Variants in ARMCX3 observed in about 807,000 individuals in gnomAD.
The protein encoded by ARMCX3 is armadillo repeat-containing X-linked protein 3.
A neutral mutation model predicts 12.6 loss-of-function variants in ARMCX3; 3 were observed. That is an observed-to-expected ratio of 0.24 (90% CI 0.11 to 0.61). ARMCX3 has a LOEUF of 0.61. Ranked by LOEUF, ARMCX3 falls within the 20% of genes least tolerant of loss-of-function variation. The pLI is 0.88. For missense variants in ARMCX3, 204 were observed against 286.1 expected (o/e 0.71, Z 2.07); for synonymous variants, 102 against 103.1 (o/e 0.99, Z 0.06).
chrX:101,623,669 G>A (rs1935939346), intron 1 of ARMCX3, 145 bp from the exon 2 acceptor site: 1 of 111,660 alleles, frequency 9.0e-6, no homozygotes, highest in Non-Finnish European at 1.9e-5. Context: ...CCAGGCCTCC[G>A]AATTAGAAAA....
rs1556038418 is a variant in ARMCX3, at chrX:101,625,368, T to C, written c.389T>C (p.Val130Ala). The C allele has an allele frequency of 8.3e-7, 1 of 1,210,807 alleles. No homozygotes were observed. Among genetic ancestry groups the C allele is most frequent in the East Asian group, 3.0e-5 (1 of 33,841 alleles). Residue 130 changes from valine to alanine, a missense_variant, in exon 5 of 5, where the codon GTT becomes GCT. Coordinates refer to ENST00000471229, the MANE Select transcript of ARMCX3 (RefSeq NM_177947.3). ...PQELQKVLCL[V>A]EMSEKPYILE... ...GAGCTACAAAAGGTTCTTTGCTTGG[T>C]TGAGATGTCTGAAAAGCCTTATATT...
In ARMCX3 at chrX:101,626,369, T is replaced by C. The variant is rs1271476438; in HGVS notation, c.*250T>C. ...CTAGATTGAAATATTTTGCTATTTCTTCTGCATAAGTGACAGTGAACCAAT... is the reference window on the plus strand; with the variant it reads ...CTAGATTGAAATATTTTGCTATTTCCTCTGCATAAGTGACAGTGAACCAAT... On this transcript the variant is annotated 3_prime_UTR_variant, in exon 5 of 5. Coordinates refer to ENST00000471229, the MANE Select transcript of ARMCX3 (RefSeq NM_177947.3). The C allele has an allele frequency of 3.5e-6, 1 of 283,500 alleles. No individual in the cohort carries two copies. Among genetic ancestry groups the C allele is most frequent in the African/African-American group, 2.8e-5 (1 of 35,881 alleles). The allele number at this position is 283,500 out of a possible 1,213,427, so 23.4% of individuals were successfully genotyped here. A position where few individuals can be genotyped will look rare whatever the true frequency, so the allele number is the denominator to read the frequency against.
In ARMCX3 at chrX:101,627,202, T is replaced by G. The variant is rs1027693845; in HGVS notation, c.*1083T>G. 1 of 123,643 alleles carries G rather than the reference T, an allele frequency of 8.1e-6. No individual in the cohort carries two copies. The highest frequency in any genetic ancestry group is 3.2e-5 in the African/African-American group (1 of 30,899). 10.2% of individuals were successfully genotyped at this position (123,643 alleles called of 1,213,427 possible). On this transcript the variant is annotated 3_prime_UTR_variant, in exon 5 of 5. Transcript: ENST00000471229. ...TATAAAGCAAGGAATGTTCACACAG[T>G]AGGATATTATAAGTATGCTGATGGA...
rs782741127 is a variant in ARMCX3 at position 101,625,178 on chromosome X, A to G, written c.199A>G (p.Ser67Gly). ...TGACTGGTCTGATGATGATGATGAC[A>G]GCAATGAGAGCAAGAGTATAGTATG... ...YNDWSDDDDD[S>G]NESKSIVWYP... The change falls in exon 5 of 5, where the codon AGC (serine) becomes GGC (glycine). Residue 67 changes from serine to glycine, a missense_variant. By Grantham distance (56) the Ser-to-Gly change is moderately conservative. Transcript: ENST00000471229. 5.0e-6 allele frequency: 6 copies of G among 1,210,395 alleles called. No homozygotes were observed. The South Asian group carries it at 7.0e-5, about 14-fold the overall frequency.
At position 101,625,211 on chromosome X, in the gene ARMCX3, C is replaced by T. The variant is rs1485910186; in HGVS notation, c.232C>T (p.Pro78Ser). 2 of 1,209,612 alleles carry T rather than the reference C, an allele frequency of 1.7e-6. No homozygotes were observed. The highest frequency in any genetic ancestry group is 1.8e-5 in the South Asian group (1 of 56,816). Reference sequence around the variant, plus strand: ...GAGCAAGAGTATAGTATGGTACCCACCTTGGGCTCGGATTGGGACTGAAGC... The same window carrying T: ...GAGCAAGAGTATAGTATGGTACCCATCTTGGGCTCGGATTGGGACTGAAGC... ...NESKSIVWYP[P>S]WARIGTEAGT... The change falls in exon 5 of 5, where the codon CCT becomes TCT. Residue 78 changes from proline to serine, a missense_variant. Transcript: ENST00000471229.
chrX:101,625,675 T>C lies in ARMCX3; in HGVS notation c.696T>C (p.Thr232=), dbSNP rs782302901. The change falls in exon 5 of 5, where the codon ACT becomes ACC. Residue 232 remains threonine, a synonymous_variant. Coordinates refer to ENST00000471229, the MANE Select transcript of ARMCX3 (RefSeq NM_177947.3). The part of the protein sequence containing the change: ...LAGLRLLTNM[T]VTNEYQHMLA... ...GACTGAGATTGCTTACAAATATGAC[T>C]GTTACTAATGAGTATCAGCACATGC... The C allele has an allele frequency of 2.9e-5, 35 of 1,188,703 alleles. No individual in the cohort carries two copies. Among genetic ancestry groups the C allele is most frequent in the African/African-American group, 5.3e-5 (3 of 56,366 alleles).
Position 101,626,099 on chromosome X carries a change from T to A in ARMCX3, c.1120T>A (p.Phe374Ile), listed in dbSNP as rs1041663254. Residue 374 changes from phenylalanine (F) to isoleucine (I), a missense_variant, in exon 5 of 5, where the codon TTC (phenylalanine) becomes ATC (isoleucine). By Grantham distance (21) the Phe-to-Ile change is conservative (BLOSUM62 0). Transcript: ENST00000471229. The part of the protein sequence containing the change: ...KFMAKLAEHM[F>I]PKSQE The stretch of plus-strand genomic sequence containing the variant: ...CATGGCCAAACTTGCTGAACATATG[T>A]TCCCAAAGAGCCAGGAATAACACCT... The A allele has an allele frequency of 1.1e-5, 13 of 1,176,649 alleles. No individual in the cohort carries two copies. Among genetic ancestry groups the A allele is most frequent in the Non-Finnish European group, 1.5e-5 (13 of 882,079 alleles).
chrX:101,624,825 C>T lies in ARMCX3; in HGVS notation c.-146-9C>T, dbSNP rs1935957972. The T allele has an allele frequency of 2.3e-6, 1 of 426,931 alleles. No individual in the cohort carries two copies. Among genetic ancestry groups the T allele is most frequent in the African/African-American group, 2.6e-5 (1 of 39,055 alleles). 35.2% of individuals were successfully genotyped at this position (426,931 alleles called of 1,213,427 possible). A position where few individuals can be genotyped will look rare whatever the true frequency, so the allele number is the denominator to read the frequency against. On this transcript the variant is annotated splice_polypyrimidine_tract_variant and intron_variant, in intron 4 of 4. Coordinates refer to ENST00000471229, the MANE Select transcript of ARMCX3 (RefSeq NM_177947.3). ...AAACTCAAACCCAATTTTCTTCTTC[C>T]ACTCCTAGGTCAACCCCCAGAATCA... is the stretch of plus-strand genomic sequence containing the variant.
chrX:101,626,162 A>C lies in ARMCX3; in HGVS notation c.*43A>C, dbSNP rs1935986582. 1.9e-6 allele frequency: 2 copies of C among 1,069,725 alleles called. No individual in the cohort carries two copies. Among genetic ancestry groups the C allele is most frequent in the Non-Finnish European group, 2.5e-6 (2 of 802,469 alleles). 88.2% of individuals were successfully genotyped at this position (1,069,725 alleles called of 1,213,427 possible). A position where few individuals can be genotyped will look rare whatever the true frequency, so the allele number is the denominator to read the frequency against. The stretch of plus-strand genomic sequence containing the variant: ...TTAGAAGCAACACACATTGTAAACT[A>C]TTCATTTTCTCCACCTTGTTTATAT... On this transcript the variant is annotated 3_prime_UTR_variant, in exon 5 of 5. Coordinates refer to ENST00000471229, the MANE Select transcript of ARMCX3 (RefSeq NM_177947.3).
In ARMCX3 at chrX:101,626,092, A is replaced by G. The variant is rs781855455; in HGVS notation, c.1113A>G (p.Glu371=). 1.3e-4 allele frequency: 159 copies of G among 1,180,478 alleles called. No homozygotes were observed. The highest frequency in any genetic ancestry group is 1.8e-4 in the Non-Finnish European group (155 of 883,796). Residue 371 remains glutamate (E), a synonymous_variant, in exon 5 of 5, where the codon GAA becomes GAG. Coordinates refer to ENST00000471229, the MANE Select transcript of ARMCX3 (RefSeq NM_177947.3). ...KVGKFMAKLA[E]HMFPKSQE ...GAAAATTCATGGCCAAACTTGCTGA[A>G]CATATGTTCCCAAAGAGCCAGGAAT...
rs1556038658 is a variant in ARMCX3, at chrX:101,625,855, C to T, written c.876C>T (p.Leu292=). The change falls in exon 5 of 5, where the codon CTC becomes CTT. Residue 292 remains leucine, a synonymous_variant. Coordinates refer to ENST00000471229, the MANE Select transcript of ARMCX3 (RefSeq NM_177947.3). ...AAGTACCATCTTCACTGGGCTCCCT[C>T]TTTAATAAGAAGGAGAACAAAGAAG... The part of the protein sequence containing the change: ...RAQVPSSLGS[L]FNKKENKEVI... 8.3e-7 allele frequency: 1 copy of T among 1,207,378 alleles called. No homozygotes were observed. Among genetic ancestry groups the T allele is most frequent in the Non-Finnish European group, 1.1e-6 (1 of 893,184 alleles).
Position 101,625,652 on chromosome X carries a change from C to A in ARMCX3, c.673C>A (p.Leu225Met). The change falls in exon 5 of 5, where the codon CTG becomes ATG. Residue 225 changes from leucine to methionine, a missense_variant. Coordinates refer to ENST00000471229, the MANE Select transcript of ARMCX3 (RefSeq NM_177947.3). ...GAACTCATCTGTGCAGCTTGCTGGA[C>A]TGAGATTGCTTACAAATATGACTGT... ...RLNSSVQLAG[L>M]RLLTNMTVTN... is the part of the protein sequence containing the mutation. The A allele has an allele frequency of 8.4e-7, 1 of 1,191,756 alleles. No individual in the cohort carries two copies. The highest frequency in any genetic ancestry group is 1.1e-6 in the Non-Finnish European group (1 of 886,415).
rs372310822 is a variant in ARMCX3, at chrX:101,625,036, C to T, written c.57C>T (p.Gly19=). The change falls in exon 5 of 5, where the codon GGC becomes GGT. Residue 19 remains glycine (G), a synonymous_variant. Transcript: ENST00000471229. ...CCGCAGGCCTGGTGATTGGGGCTGG[C>T]GCCTGCTATTGCATTTATAGACTGA... The part of the protein sequence containing the change: ...WVTAGLVIGA[G]ACYCIYRLTR... The T allele has an allele frequency of 1.6e-5, 18 of 1,151,297 alleles. No individual in the cohort carries two copies. The highest frequency in any genetic ancestry group is 2.1e-5 in the South Asian group (1 of 46,793). The allele number at this position is 1,151,297 out of a possible 1,213,427, so 94.9% of individuals were successfully genotyped here. A position where few individuals can be genotyped will look rare whatever the true frequency, so the allele number is the denominator to read the frequency against.
rs1935978178 is a variant in ARMCX3, at chrX:101,625,864, G to A, written c.885G>A (p.Lys295=). The part of the protein sequence containing the change: ...VPSSLGSLFN[K]KENKEVILKL... ...CTTCACTGGGCTCCCTCTTTAATAAGAAGGAGAACAAAGAAGTTATTCTTA... is the reference window on the plus strand; with the variant it reads ...CTTCACTGGGCTCCCTCTTTAATAAAAAGGAGAACAAAGAAGTTATTCTTA... Residue 295 remains lysine, a synonymous_variant, in exon 5 of 5, where the codon AAG becomes AAA. Coordinates refer to ENST00000471229, the MANE Select transcript of ARMCX3 (RefSeq NM_177947.3). The A allele has an allele frequency of 8.3e-7, 1 of 1,205,338 alleles. No homozygotes were observed. Among genetic ancestry groups the A allele is most frequent in the Admixed American group, 2.2e-5 (1 of 45,344 alleles).
rs1230052366 is a variant in ARMCX3 at position 101,626,564 on chromosome X, C to CA, written c.*446dup. 1.6e-5 allele frequency: 2 copies of CA among 125,409 alleles called. No homozygotes were observed. The highest frequency in any genetic ancestry group is 3.7e-5 in the Non-Finnish European group (2 of 54,741). 10.3% of individuals were successfully genotyped at this position (125,409 alleles called of 1,213,427 possible). A position where few individuals can be genotyped will look rare whatever the true frequency, so the allele number is the denominator to read the frequency against. ...AAGAAACGTACAAACCAAAAGATAA[C>CA]AGAATATCTGAAGCATGTACTCATT... On this transcript the variant is annotated 3_prime_UTR_variant, in exon 5 of 5. Coordinates refer to ENST00000471229, the MANE Select transcript of ARMCX3 (RefSeq NM_177947.3).
Position 101,624,858 on chromosome X carries a change from T to C in ARMCX3, c.-122T>C, listed in dbSNP as rs1233851174. 1.6e-6 allele frequency: 1 copy of C among 628,842 alleles called. No homozygotes were observed. The highest frequency in any genetic ancestry group is 2.3e-5 in the African/African-American group (1 of 43,363). 51.8% of individuals were successfully genotyped at this position (628,842 alleles called of 1,213,427 possible). A position where few individuals can be genotyped will look rare whatever the true frequency, so the allele number is the denominator to read the frequency against. On this transcript the variant is annotated 5_prime_UTR_variant, in exon 5 of 5. Coordinates refer to ENST00000471229, the MANE Select transcript of ARMCX3 (RefSeq NM_177947.3). ...GGTCAACCCCCAGAATCAGCTCTTG[T>C]GGCCTTGAAGTGGCTGAAGACGATC...
chrX:101,627,693 T>C lies in ARMCX3; in HGVS notation c.*1574T>C, dbSNP rs1342987710. On this transcript the variant is annotated 3_prime_UTR_variant, in exon 5 of 5. Transcript: ENST00000471229. ...GTACTTACAATGTTCTGGCACATAG[T>C]AATTAATTAAGAAAATCGAGCACCC... 2 of 124,381 alleles carry C rather than the reference T, an allele frequency of 1.6e-5. No individual in the cohort carries two copies. Among genetic ancestry groups the C allele is most frequent in the African/African-American group, 3.2e-5 (1 of 31,161 alleles). The allele number at this position is 124,381 out of a possible 1,213,427, so 10.3% of individuals were successfully genotyped here.
At chrX:101,623,668 C>T (rs1935939257) in intron 1 of ARMCX3, 146 bp from the exon 2 acceptor site, 1 of 111,289 alleles carries the variant, frequency 9.0e-6, no homozygotes, top group Non-Finnish European at 1.9e-5. Context: ...ACCAGGCCTC[C>T]GAATTAGAAA....
At chrX:101,623,704 C>T (rs1165932291) in intron 1 of ARMCX3, 110 bp from the exon 2 acceptor site, 3 of 112,061 alleles carry the variant, frequency 2.7e-5, no homozygotes, top group East Asian at 5.7e-4. Flanking sequence ...GGGGACTAGT[C>T]CGTCCACCAA....
Sources: allele counts gnomAD v4.1 joint callset, GRCh38; gene constraint gnomAD v4.1.1; transcripts MANE v1.5; gene names NCBI Gene and HGNC (gene_info 2026-07-23, HGNC 2026-07-21).